The following CSMD3 variants were observed in gnomAD, a reference collection of about 807,000 sequenced individuals.
The protein encoded by CSMD3 is CUB and sushi domain-containing protein 3.
CSMD3 carries 177 observed loss-of-function variants against 435.2 expected under a neutral mutation model. The ratio of observed to expected loss-of-function variants is 0.41; its 90% CI spans 0.36 to 0.46. CSMD3 has a LOEUF of 0.46. Ranked by LOEUF, CSMD3 falls within the 20% of genes least tolerant of loss-of-function variation. The probability of loss-of-function intolerance (pLI) is 0.34; values close to 1 mark genes in which losing one functional copy is unlikely to be tolerated. For missense variants in CSMD3, 4,265 were observed against 4,504.6 expected, an observed-to-expected ratio of 0.95 and a Z score of 1.52; for synonymous variants, 1,656 against 1,520.5, an observed-to-expected ratio of 1.09 and a Z score of -2.07.
At chr8:113,296,537 C>A (rs1402175192) in intron 2 of CSMD3, among the ~76,000 whole-genome samples, 7 of 151,798 alleles carry the variant, frequency 4.6e-5, no homozygotes, top group South Asian at 2.1e-4. Context: ...AAAAACCCAA[C>A]CAAACAAACA....
At chr8:112,247,215 A>G (rs1814821850) in intron 63 of CSMD3, 84 bp from the exon 64 acceptor site, 1 of 806,896 alleles carries the variant, frequency 1.2e-6, no homozygotes, top group Admixed American at 2.0e-5. Context: ...AGAAAATGTT[A>G]TCAAGTGAAA....
At chr8:112,386,922 A>G (rs1416451050) in intron 36 of CSMD3, among the ~76,000 whole-genome samples, 1 of 152,260 alleles carries the variant, frequency 6.6e-6, no homozygotes, top group Non-Finnish European at 1.5e-5. Flanking sequence ...CATTAAAACT[A>G]GGCATCTATC....
At chr8:112,454,578 G>T (rs1816633388) in intron 32 of CSMD3, among the ~76,000 whole-genome samples, 1 of 152,036 alleles carries the variant, frequency 6.6e-6, no homozygotes, top group Non-Finnish European at 1.5e-5. Flanking sequence ...TTATTAAAAA[G>T]TTAAAAAATA....
rs180840260 is a variant in CSMD3 at position 113,097,626 on chromosome 8, C to G, written c.917+1130G>C. Among the ~76,000 whole-genome samples, 15 of 152,128 alleles carry G rather than the reference C, an allele frequency of 9.9e-5. 1 individual carries two copies. In the East Asian group the frequency reaches 2.9e-3, roughly 29 times the overall value. ...TAAATACCAGTGTTGTGCTTCTACTCTAAATTATTGAATCATATAAGAAAT... is the reference window on the plus strand; with the variant it reads ...TAAATACCAGTGTTGTGCTTCTACTGTAAATTATTGAATCATATAAGAAAT... On this transcript the variant is annotated intron_variant, in intron 5 of 70. Transcript: ENST00000297405.
chr8:112,762,166 C>T (rs949801260), intron 13 of CSMD3, among the ~76,000 whole-genome samples: 13 of 151,884 alleles, frequency 8.6e-5, no homozygotes, highest in African/African-American at 3.1e-4. Flanking sequence ...TATGTGAAGT[C>T]TTTAACTAAA....
intron 27 of CSMD3, among the ~76,000 whole-genome samples, chr8:112,538,031 T>G (rs1826304060): frequency 1.3e-5 from 2 of 151,994 alleles, no homozygotes. Flanking sequence ...GCAACTATCA[T>G]TCAACATATT....
rs1002030874 is a variant in CSMD3 at position 113,248,570 on chromosome 8, T to A, written c.514+30022A>T. Among the ~76,000 whole-genome samples the A allele has an allele frequency of 6.1e-5, 9 of 147,052 alleles. No homozygotes were observed. The East Asian group carries it at 1.8e-3, about 29-fold the overall frequency. On this transcript the variant is annotated intron_variant, in intron 3 of 70. Transcript: ENST00000297405. ...TATATACACACACATGTGGAGGAAA[T>A]AAATTGTTATATATAAATTGCCATG... is the stretch of plus-strand genomic sequence containing the variant.
chr8:112,587,751 A>G lies in CSMD3; in HGVS notation c.3716-516T>C, dbSNP rs1054678141. 1.1e-4 allele frequency among the ~76,000 whole-genome samples: 17 copies of G among 151,918 alleles called. No homozygotes were observed. In the East Asian group the frequency reaches 1.2e-3, roughly 10 times the overall value. On this transcript the variant is annotated intron_variant, in intron 22 of 70. Coordinates refer to ENST00000297405, the MANE Select transcript of CSMD3 (RefSeq NM_198123.2). Reference sequence around the variant, plus strand: ...GAATCAAATATTACATTATCTTTGAAAACTGATATAATAGTTAAACCCCCC... The same window carrying G: ...GAATCAAATATTACATTATCTTTGAGAACTGATATAATAGTTAAACCCCCC...
At chr8:113,201,303 A>ATG (rs1408822047) in intron 3 of CSMD3, among the ~76,000 whole-genome samples, 1 of 151,924 alleles carries the variant, frequency 6.6e-6, no homozygotes, top group African/African-American at 2.4e-5. Flanking sequence ...TTTATAATAT[A>ATG]TGTCCTCATA....
chr8:112,727,469 G>A (rs1402244138), intron 13 of CSMD3, among the ~76,000 whole-genome samples: 1 of 151,854 alleles, frequency 6.6e-6, no homozygotes, highest in African/African-American at 2.4e-5. Context: ...AAGAGGGTGA[G>A]TGAGCATTTA....
chr8:113,145,029 G>T lies in CSMD3; in HGVS notation c.709+28693C>A, dbSNP rs189164782. Among the ~76,000 whole-genome samples, 21 of 151,570 alleles carry T rather than the reference G, an allele frequency of 1.4e-4. No homozygotes were observed. In the East Asian group the frequency reaches 1.6e-3, roughly 11 times the overall value. On this transcript the variant is annotated intron_variant, in intron 4 of 70. Coordinates refer to ENST00000297405, the MANE Select transcript of CSMD3 (RefSeq NM_198123.2). ...CCTGAGGGGCAAGGGTGAGTGATTT[G>T]TCAAATGTCTGGGGAAGGATTTTCC...
intron 1 of CSMD3, among the ~76,000 whole-genome samples, chr8:113,420,152 T>G (rs1277385925): frequency 2.0e-5 from 3 of 152,114 alleles, no homozygotes; most frequent in Non-Finnish European, 4.4e-5. Flanking sequence ...AAACATTTTT[T>G]AAAAACATTT....
chr8:112,493,081 G>A (rs769295523), intron 30 of CSMD3, among the ~76,000 whole-genome samples: 2 of 152,068 alleles, frequency 1.3e-5, no homozygotes, highest in Non-Finnish European at 2.9e-5. Context: ...AGAAGGAAAA[G>A]CAGCAGCATC....
At chr8:113,020,077 G>C (rs1208766437) in intron 5 of CSMD3, among the ~76,000 whole-genome samples, 1 of 148,530 alleles carries the variant, frequency 6.7e-6, no homozygotes, top group East Asian at 2.0e-4. Context: ...GCAGGAGAAT[G>C]GCGTGAACCC....
chr8:112,935,382 A>G (rs1371355999), intron 9 of CSMD3, among the ~76,000 whole-genome samples: 1 of 151,982 alleles, frequency 6.6e-6, no homozygotes, highest in Non-Finnish European at 1.5e-5. Context: ...TTTGAAATCT[A>G]TTGTGCTTTC....
chr8:113,237,816 C>A (rs1161870978), intron 3 of CSMD3, among the ~76,000 whole-genome samples: 1 of 152,102 alleles, frequency 6.6e-6, no homozygotes, highest in Non-Finnish European at 1.5e-5. Context: ...ATAGCTCATG[C>A]CTGTAATCCC....
intron 5 of CSMD3, among the ~76,000 whole-genome samples, chr8:113,035,122 A>AATGAAATT (rs2087286355): frequency 3.9e-5 from 6 of 152,034 alleles, no homozygotes; most frequent in Admixed American, 6.6e-5. Context: ...TAATGACAAG[A>AATGAAATT]GCTCAAAGCA....
intron 13 of CSMD3, among the ~76,000 whole-genome samples, chr8:112,796,463 G>A (rs1470998230): frequency 6.6e-6 from 1 of 151,970 alleles, no homozygotes; most frequent in African/African-American, 2.4e-5. Flanking sequence ...GTTCTAATCA[G>A]ATTTAATGAG....
intron 5 of CSMD3, among the ~76,000 whole-genome samples, chr8:113,087,142 T>C (rs1172798627): frequency 6.6e-6 from 1 of 152,170 alleles, no homozygotes; most frequent in African/African-American, 2.4e-5. Context: ...TCATTTCCTA[T>C]GGTTGTTTTT....
Sources: gnomAD v4.1 joint callset for allele counts (sites outside exome capture counted in the v4.1 genomes callset) on GRCh38, gnomAD v4.1.1 for gene constraint, MANE v1.5 for transcripts, NCBI Gene and HGNC (gene_info 2026-07-23, HGNC 2026-07-21) for gene names.